ZNF536: variants seen among roughly 807,000 people sequenced by gnomAD.
ZNF536 encodes zinc finger protein 536.
Under a neutral mutation model 84.5 loss-of-function variants are expected in ZNF536, and 13 were observed. The observed-to-expected ratio is 0.15, with a 90% CI of 0.10 to 0.24. The LOEUF (loss-of-function observed/expected upper bound fraction) is 0.24. ZNF536 is among the 10% of genes least tolerant of loss of function. The pLI is 1.00. For missense variants in ZNF536, 1,536 were observed against 1,747.5 expected (o/e 0.88, Z 2.16); for synonymous variants, 811 against 742.5 (o/e 1.09, Z -1.50).
intron 1 of ZNF536, among the ~76,000 whole-genome samples, chr19:30,379,317 CCTGAGCT>C (rs2048932697): frequency 6.6e-6 from 1 of 152,036 alleles, no homozygotes; most frequent in Admixed American, 6.6e-5. Context: ...GAGAAGCCAG[CCTGAGCT>C]CTGTGCTGCC....
intron 1 of ZNF536, among the ~76,000 whole-genome samples, chr19:30,638,180 G>T (rs891249165): frequency 2.6e-5 from 4 of 152,184 alleles, no homozygotes; most frequent in Admixed American, 1.3e-4. Context: ...GCCAGGCCAG[G>T]GTGGCTGGTC....
chr19:30,384,844 G>C (rs2049271908), intron 1 of ZNF536, among the ~76,000 whole-genome samples: 1 of 152,054 alleles, frequency 6.6e-6, no homozygotes, highest in Non-Finnish European at 1.5e-5. Flanking sequence ...CTGGGCAACA[G>C]AGCAAGACAC....
chr19:30,557,198 C>T lies in ZNF536; in HGVS notation c.*34C>T, dbSNP rs765654866. ...GTCCTAGTCGGTCTATCTGGACTTG[C>T]CCTTGTCTGTTCGTGGTCCTCGGTG... On this transcript the variant is annotated 3_prime_UTR_variant, in exon 5 of 5. Coordinates refer to ENST00000355537, the MANE Select transcript of ZNF536 (RefSeq NM_014717.3). 5 of 1,612,592 alleles carry T rather than the reference C, an allele frequency of 3.1e-6. No individual in the cohort carries two copies. Among genetic ancestry groups the T allele is most frequent in the South Asian group, 1.1e-5 (1 of 90,852 alleles).
rs566285733 is a variant in ZNF536 at position 30,547,434 on chromosome 19, A to T, written c.2324-509A>T. On this transcript the variant is annotated intron_variant, in intron 3 of 4. Coordinates refer to ENST00000355537, the MANE Select transcript of ZNF536 (RefSeq NM_014717.3). The stretch of plus-strand genomic sequence containing the variant: ...GTGCAGTATGCCATTTGCTAATTAT[A>T]TCCATGATTTACTGCAGAGCAAGAC... Among the ~76,000 whole-genome samples, 10 of 152,332 alleles carry T rather than the reference A, an allele frequency of 6.6e-5. No homozygotes were observed. In the South Asian group the frequency reaches 1.5e-3, roughly 22 times the overall value.
intron 1 of ZNF536, among the ~76,000 whole-genome samples, chr19:30,637,500 A>G (rs1484826006): frequency 6.6e-6 from 1 of 152,142 alleles, no homozygotes; most frequent in Admixed American, 6.5e-5. Flanking sequence ...TATAGACTCA[A>G]ATTGGGTCTT....
chr19:30,270,200 T>C (rs1599977965), intron 1 of ZNF536, among the ~76,000 whole-genome samples: 2 of 152,184 alleles, frequency 1.3e-5, no homozygotes, highest in South Asian at 4.1e-4. Context: ...TCTTCGTGGA[T>C]ACAAATCTCT....
At chr19:30,335,923 C>A (rs1647974479) in intron 2 of ZNF536, among the ~76,000 whole-genome samples, 2 of 152,088 alleles carry the variant, frequency 1.3e-5, no homozygotes, top group African/African-American at 2.4e-5. Flanking sequence ...TGACCATCCC[C>A]ACTGAATGGA....
chr19:30,324,078 C>G (rs2046944214), intron 2 of ZNF536, among the ~76,000 whole-genome samples: 1 of 151,864 alleles, frequency 6.6e-6, no homozygotes, highest in Non-Finnish European at 1.5e-5. Context: ...TCATCATCAT[C>G]CATCATCTAT....
At chr19:30,272,671 A>G (rs2025918272) in intron 1 of ZNF536, among the ~76,000 whole-genome samples, 1 of 152,182 alleles carries the variant, frequency 6.6e-6, no homozygotes, top group African/African-American at 2.4e-5. Context: ...TATGACATGT[A>G]GTCTTTTAAC....
intron 2 of ZNF536, among the ~76,000 whole-genome samples, chr19:30,330,238 T>G (rs1347475880): frequency 6.6e-6 from 1 of 152,186 alleles, no homozygotes; most frequent in African/African-American, 2.4e-5. Flanking sequence ...AATTCGATCA[T>G]GTAGAAGTTT....
chr19:30,528,936 A>AG (rs1438424177), intron 2 of ZNF536, among the ~76,000 whole-genome samples: 1 of 151,650 alleles, frequency 6.6e-6, no homozygotes, highest in African/African-American at 2.4e-5. Flanking sequence ...AAAAAAAAAA[A>AG]AAGCAGCGGG....
intron 1 of ZNF536, among the ~76,000 whole-genome samples, chr19:30,655,771 G>T (rs2049886714): frequency 6.6e-6 from 1 of 152,180 alleles, no homozygotes; most frequent in Non-Finnish European, 1.5e-5. Context: ...TGGCTTGGTG[G>T]CTTACACCTG....
intron 1 of ZNF536, among the ~76,000 whole-genome samples, chr19:30,403,328 G>A (rs941823970): frequency 6.6e-6 from 1 of 152,154 alleles, no homozygotes; most frequent in South Asian, 2.1e-4. Flanking sequence ...ACGCAGACAA[G>A]GCAGGCCTTT....
rs2148158697 is a variant in ZNF536 at position 30,443,885 on chromosome 19, G to T, written c.323G>T (p.Gly108Val). Reference protein sequence around the residue: ...GRVDLQQFLNGQNLGIMSQMS... With the variant: ...GRVDLQQFLNVQNLGIMSQMS... ...GTGGACTTGCAGCAGTTCCTCAACG[G>T]GCAGAACCTGGGCATCATGTCCCAG... Residue 108 changes from glycine to valine, a missense_variant, in exon 2 of 5, where the codon GGG becomes GTG. Physicochemically the swap from Gly to Val is moderately radical, Grantham distance 109. This residue lies in a region of ZNF536 where 161 missense variants were observed against 178.5 expected (regional missense o/e 0.90). Transcript: ENST00000355537. The T allele has an allele frequency of 1.2e-6, 2 of 1,613,676 alleles. No individual in the cohort carries two copies. Among genetic ancestry groups the T allele is most frequent in the Non-Finnish European group, 1.7e-6 (2 of 1,180,022 alleles).
chr19:30,457,692 A>T (rs1433790091), intron 2 of ZNF536, among the ~76,000 whole-genome samples: 1 of 152,194 alleles, frequency 6.6e-6, no homozygotes, highest in Non-Finnish European at 1.5e-5. Flanking sequence ...AAGACACATC[A>T]GGTGGTCAGG....
intron 1 of ZNF536, among the ~76,000 whole-genome samples, chr19:30,275,889 C>T (rs2026103782): frequency 6.6e-6 from 1 of 151,876 alleles, no homozygotes; most frequent in Non-Finnish European, 1.5e-5. Flanking sequence ...TCCTGGACTA[C>T]ATTTCTTTAG....
At chr19:30,372,721 T>C (rs1304734252) in intron 1 of ZNF536, among the ~76,000 whole-genome samples, 165 bp downstream of exon 1, 1 of 152,146 alleles carries the variant, frequency 6.6e-6, no homozygotes, top group African/African-American at 2.4e-5. Context: ...TGCAAAATAA[T>C]TTTTGAATAA....
intron 1 of ZNF536, among the ~76,000 whole-genome samples, chr19:30,250,744 C>G (rs2024558952): frequency 6.6e-6 from 1 of 152,078 alleles, no homozygotes; most frequent in Admixed American, 6.5e-5. Flanking sequence ...TCTGTCTATA[C>G]CACTCCCCCC....
At chr19:30,310,417 C>T (rs1028923346) in intron 2 of ZNF536, among the ~76,000 whole-genome samples, 2 of 152,134 alleles carry the variant, frequency 1.3e-5, no homozygotes, top group African/African-American at 4.8e-5. Context: ...TTCTTTGTGC[C>T]GAACAAGTCA....
Sources: gnomAD v4.1 joint callset for allele counts (sites outside exome capture counted in the v4.1 genomes callset) on GRCh38, gnomAD v4.1.1 for gene constraint, gnomAD v4.1.1 regional missense constraint, MANE v1.5 for transcripts, NCBI Gene and HGNC (gene_info 2026-07-23, HGNC 2026-07-21) for gene names.